The following RRM1 variants were observed in gnomAD, a reference collection of about 807,000 sequenced individuals.
RRM1 encodes ribonucleoside-diphosphate reductase large subunit.
A neutral mutation model predicts 101.5 loss-of-function variants in RRM1; 19 were observed. The observed-to-expected ratio is 0.19, with a 90% CI of 0.13 to 0.27. The LOEUF (loss-of-function observed/expected upper bound fraction) is 0.27. Among genes scored for constraint, RRM1 ranks in the 10% least tolerant of loss-of-function variants. RRM1 has a pLI of 1.00. For synonymous variants in RRM1, 298 were observed against 323.4 expected (o/e 0.92, Z 0.84); for missense variants, 500 against 962.9 (o/e 0.52, Z 6.36).
intron 14 of RRM1, 127 bp downstream of exon 14, chr11:4,127,383 A>G (rs185864381): frequency 1.1e-3 from 600 of 566,982 alleles, no homozygotes; most frequent in South Asian, 2.1e-3. Flanking sequence ...TTGGTTCAAA[A>G]AAAGGTATTT....
chr11:4,134,050 A>G (rs571867646), intron 17 of RRM1, among the ~76,000 whole-genome samples: 2 of 132,242 alleles, frequency 1.5e-5, no homozygotes, highest in East Asian at 4.4e-4. Flanking sequence ...TGGTGGAATC[A>G]TGGCTCACTG....
intron 1 of RRM1, among the ~76,000 whole-genome samples, chr11:4,096,522 G>T (rs2094543752): frequency 6.6e-6 from 1 of 152,134 alleles, no homozygotes; most frequent in Non-Finnish European, 1.5e-5. Flanking sequence ...CTTGTTTTTG[G>T]TATCTTGAGA....
Position 4,106,058 on chromosome 11 carries a change from A to C in RRM1, c.121A>C (p.Met41Leu). ...MDFVDPAQIT[M>L]KVIQGLYSGV... ...TTTATTTTTGTAGGCTCAGATCACC[A>C]TGAAAGTAATCCAAGGCTTGTACAG... The change falls in exon 3 of 19, where the codon ATG (methionine) becomes CTG (leucine). Residue 41 changes from methionine to leucine, a missense_variant. Physicochemically the swap from Met to Leu is conservative, Grantham distance 15. Around this residue, in one of 9 missense-constraint regions of RRM1, gnomAD observed 44 missense variants for 119.4 expected, o/e 0.37. Transcript: ENST00000300738. 6.2e-7 allele frequency: 1 copy of C among 1,611,930 alleles called. No individual in the cohort carries two copies. The highest frequency in any genetic ancestry group is 1.1e-5 in the South Asian group (1 of 90,284).
intron 7 of RRM1, among the ~76,000 whole-genome samples, chr11:4,114,551 A>T (rs1457199462): frequency 1.4e-5 from 2 of 138,656 alleles, no homozygotes; most frequent in African/African-American, 2.6e-5. Context: ...ACTCTATCTT[A>T]AAAAAAAAAA....
intron 14 of RRM1, among the ~76,000 whole-genome samples, chr11:4,128,563 C>T (rs1245909947): frequency 6.6e-6 from 1 of 152,214 alleles, no homozygotes; most frequent in African/African-American, 2.4e-5. Flanking sequence ...ATAGCCTGTG[C>T]ACCAAGGTGT....
At chr11:4,096,272 C>G (rs569342871) in intron 1 of RRM1, among the ~76,000 whole-genome samples, 45 of 152,328 alleles carry the variant, frequency 3.0e-4, no homozygotes, top group African/African-American at 1.0e-3. Context: ...AAACCATCCT[C>G]CCTTCCTTGG....
intron 17 of RRM1, among the ~76,000 whole-genome samples, 173 bp from the exon 18 acceptor site, chr11:4,134,909 A>G (rs900578221): frequency 2.0e-5 from 3 of 152,228 alleles, no homozygotes; most frequent in African/African-American, 7.2e-5. Flanking sequence ...GTTTTGTTCA[A>G]CTTTCTAAAT....
At chr11:4,106,743 G>A (rs1447907212) in intron 3 of RRM1, among the ~76,000 whole-genome samples, 1 of 151,484 alleles carries the variant, frequency 6.6e-6, no homozygotes, top group Admixed American at 6.6e-5. Flanking sequence ...GTGAGACTCC[G>A]TCTCATAAAT....
intron 14 of RRM1, among the ~76,000 whole-genome samples, chr11:4,128,313 T>C (rs2094593356): frequency 6.6e-6 from 1 of 152,104 alleles, no homozygotes; most frequent in Non-Finnish European, 1.5e-5. Flanking sequence ...GGTTTTGCCA[T>C]GTTGGCCAGG....
chr11:4,115,284 T>C (rs1246085629), intron 7 of RRM1, among the ~76,000 whole-genome samples: 1 of 152,150 alleles, frequency 6.6e-6, no homozygotes, highest in Non-Finnish European at 1.5e-5. Flanking sequence ...GATTTTGACA[T>C]GGAGAGATTA....
Position 4,138,426 on chromosome 11 carries a change from T to C in RRM1, c.*43T>C. 1 of 1,503,436 alleles carries C rather than the reference T, an allele frequency of 6.7e-7. No individual in the cohort carries two copies. The allele number at this position is 1,503,436 out of a possible 1,614,324, so 93.1% of individuals were successfully genotyped here. The stretch of plus-strand genomic sequence containing the variant: ...ACCAGCATGTCTTCAGTAGCCAAAC[T>C]ACTTCTTGAGCATAGATAGGTATAG... On this transcript the variant is annotated 3_prime_UTR_variant, in exon 19 of 19. Coordinates refer to ENST00000300738, the MANE Select transcript of RRM1 (RefSeq NM_001033.5).
Position 4,094,831 on chromosome 11 carries a change from A to C in RRM1, c.-182A>C. ...TGCGTCACGGGTGGCGGGCGCGGGA[A>C]GGGGATTTGGATTGTTGCGCCTCTG... On this transcript the variant is annotated 5_prime_UTR_variant, in exon 1 of 19. Transcript: ENST00000300738. 1.6e-6 allele frequency: 1 copy of C among 625,914 alleles called. No homozygotes were observed. The allele number at this position is 625,914 out of a possible 1,614,324, so 38.8% of individuals were successfully genotyped here.
chr11:4,135,102 T>A lies in RRM1; in HGVS notation c.2022T>A (p.Asp674Glu). Reference sequence around the variant, plus strand: ...TTTAGAGCATACCAGAAATTCCTGATGACCTGAAGCAACTTTATAAAACTG... The same window carrying A: ...TTTAGAGCATACCAGAAATTCCTGAAGACCTGAAGCAACTTTATAAAACTG... ...GSIQSIPEIPDDLKQLYKTVW... is the reference protein window; with the variant it reads ...GSIQSIPEIPEDLKQLYKTVW... The change falls in exon 18 of 19, where the codon GAT (aspartate) becomes GAA (glutamate). Residue 674 changes from aspartate (D) to glutamate (E), a missense_variant. Asp to Glu is a conservative substitution (Grantham distance 45, BLOSUM62 2). Transcript: ENST00000300738. 1 of 1,610,976 alleles carries A rather than the reference T, an allele frequency of 6.2e-7. No individual in the cohort carries two copies. Among genetic ancestry groups the A allele is most frequent in the Non-Finnish European group, 8.5e-7 (1 of 1,178,172 alleles).
In RRM1 at chr11:4,118,310, T is replaced by TC. The variant is rs748134117; in HGVS notation, c.651-5dup. 1 of 1,608,570 alleles carries TC rather than the reference T, an allele frequency of 6.2e-7. No homozygotes were observed. On this transcript the variant is annotated splice_polypyrimidine_tract_variant and intron_variant, in intron 7 of 18. Transcript: ENST00000300738. ...CCTTGCTCTAAGTTGAGACATTTTT[T>TC]CCCCCGTAGCTGTTTTCTTCTGAGT...
intron 4 of RRM1, among the ~76,000 whole-genome samples, chr11:4,109,429 T>A (rs2094562506): frequency 6.6e-6 from 1 of 152,068 alleles, no homozygotes; most frequent in Admixed American, 6.5e-5. Flanking sequence ...TTCATATACA[T>A]GTTTTTAAAC....
At chr11:4,136,220 T>C (rs563554527) in intron 18 of RRM1, among the ~76,000 whole-genome samples, 1 of 151,610 alleles carries the variant, frequency 6.6e-6, no homozygotes, top group South Asian at 2.1e-4. Flanking sequence ...TTTTATTTTA[T>C]GTATGTATGT....
At chr11:4,109,805 G>C in intron 5 of RRM1, 102 bp downstream of exon 5, 4 of 923,418 alleles carry the variant, frequency 4.3e-6, no homozygotes, top group Non-Finnish European at 6.6e-6. Flanking sequence ...TAAGTTGTTT[G>C]GAGTTGAGAT....
chr11:4,109,466 A>G (rs923472114), intron 4 of RRM1, among the ~76,000 whole-genome samples, 178 bp from the exon 5 acceptor site: 4 of 151,956 alleles, frequency 2.6e-5, no homozygotes, highest in Non-Finnish European at 5.9e-5. Flanking sequence ...ATTTATATGT[A>G]TTGTTTCTTT....
At chr11:4,135,865 A>G (rs1477807662) in intron 18 of RRM1, among the ~76,000 whole-genome samples, 4 of 150,628 alleles carry the variant, frequency 2.7e-5, no homozygotes, top group African/African-American at 7.4e-5. Context: ...TTAATTTAAC[A>G]TTTATTGAAC....
Sources: gnomAD v4.1 joint callset for allele counts (sites outside exome capture counted in the v4.1 genomes callset) on GRCh38, gnomAD v4.1.1 for gene constraint, gnomAD v4.1.1 regional missense constraint, MANE v1.5 for transcripts, NCBI Gene and HGNC (gene_info 2026-07-23, HGNC 2026-07-21) for gene names.